ZNF532: variants seen among roughly 807,000 people sequenced by gnomAD.
The protein encoded by ZNF532 is zinc finger protein 532.
ZNF532 carries 22 observed loss-of-function variants against 89.3 expected under a neutral mutation model. The observed-to-expected ratio is 0.25, with a 90% CI of 0.18 to 0.35. ZNF532 has a LOEUF of 0.35. Among genes scored for constraint, ZNF532 ranks in the 10% least tolerant of loss-of-function variants. The pLI is 1.00. For missense variants in ZNF532, 1,132 were observed against 1,643.4 expected, an observed-to-expected ratio of 0.69 and a Z score of 5.38; for synonymous variants, 606 against 649.6, an observed-to-expected ratio of 0.93 and a Z score of 1.02.
intron 2 of ZNF532, among the ~76,000 whole-genome samples, chr18:58,891,815 G>A (rs1434243143): frequency 6.6e-6 from 1 of 152,204 alleles, no homozygotes; most frequent in East Asian, 1.9e-4. Flanking sequence ...CTAAGTGCCA[G>A]CCTATGCCAG....
At chr18:58,929,228 T>G (rs2061757642) in intron 3 of ZNF532, among the ~76,000 whole-genome samples, 1 of 152,224 alleles carries the variant, frequency 6.6e-6, no homozygotes, top group Non-Finnish European at 1.5e-5. Flanking sequence ...AAGGATGGAT[T>G]CTTGGGGTTA....
At chr18:58,977,797 G>A (rs1400769801) in intron 7 of ZNF532, 1 of 148,600 alleles carries the variant, frequency 6.7e-6, no homozygotes, top group Non-Finnish European at 1.5e-5. Context: ...TTGCAGAGCC[G>A]AGATGACACC....
chr18:58,919,157 A>G lies in ZNF532; in HGVS notation c.870A>G (p.Pro290=), dbSNP rs1471911668. Residue 290 remains proline (P), a synonymous_variant, in exon 3 of 10, where the codon CCA becomes CCG. Transcript: ENST00000591808. This position sits in a 1 kb window ranked among gnomAD's most constrained non-coding sequence, Gnocchi z 6.1. ...KKAASDSCKE[P]VANSRESSPL... Reference sequence around the variant, plus strand: ...CGGCTTCAGACTCCTGCAAAGAACCAGTGGCCAATTCGAGGGAATCCTCCC... The same window carrying G: ...CGGCTTCAGACTCCTGCAAAGAACCGGTGGCCAATTCGAGGGAATCCTCCC... 1.9e-6 allele frequency: 3 copies of G among 1,614,222 alleles called. No homozygotes were observed. The highest frequency in any genetic ancestry group is 2.5e-6 in the Non-Finnish European group (3 of 1,180,032).
chr18:58,919,970 G>A lies in ZNF532; in HGVS notation c.1683G>A (p.Ser561=), dbSNP rs1407154793. 5.0e-6 allele frequency: 8 copies of A among 1,613,510 alleles called. No homozygotes were observed. Among genetic ancestry groups the A allele is most frequent in the Middle Eastern group, 1.6e-4 (1 of 6,078 alleles). The stretch of plus-strand genomic sequence containing the variant: ...AGGCAATAATCAATGCAGCAGCCTC[G>A]CAACCCCCCAAAAAGGTGTCTCGAG... ...IKQAIINAAA[S]QPPKKVSRVQ... The change falls in exon 3 of 10, where the codon TCG becomes TCA. Residue 561 remains serine, a synonymous_variant. Coordinates refer to ENST00000591808, the MANE Select transcript of ZNF532 (RefSeq NM_001375912.1). The surrounding 1 kb of genome is among the most constrained non-coding windows in gnomAD (Gnocchi z 6.1).
At chr18:58,958,050 A>G (rs2064972915) in intron 7 of ZNF532, among the ~76,000 whole-genome samples, 1 of 144,242 alleles carries the variant, frequency 6.9e-6, no homozygotes, top group African/African-American at 2.6e-5. Context: ...TAGGCAACAG[A>G]GCAAGACAAT....
intron 7 of ZNF532, among the ~76,000 whole-genome samples, chr18:58,958,368 T>C (rs956838756): frequency 6.6e-6 from 1 of 152,204 alleles, no homozygotes. Context: ...TTTAAGAAGT[T>C]CTTGTTACAA....
At chr18:58,877,478 A>G (rs1446814372) in intron 2 of ZNF532, among the ~76,000 whole-genome samples, 5 of 152,380 alleles carry the variant, frequency 3.3e-5, no homozygotes, top group East Asian at 3.9e-4. Flanking sequence ...TAAATCAGCT[A>G]TAGCAATAAA....
chr18:58,946,217 G>A (rs754298222), intron 5 of ZNF532, among the ~76,000 whole-genome samples: 1 of 149,968 alleles, frequency 6.7e-6, no homozygotes, highest in Non-Finnish European at 1.5e-5. Flanking sequence ...GTTATCTTCT[G>A]TTTTAATTTG....
chr18:58,949,801 T>C (rs931350090), intron 6 of ZNF532, among the ~76,000 whole-genome samples: 7 of 152,234 alleles, frequency 4.6e-5, no homozygotes, highest in Non-Finnish European at 1.0e-4. Context: ...GTATTAAACA[T>C]GTGTGAGTTC....
At chr18:58,917,966 A>G (rs1012548636) in intron 2 of ZNF532, among the ~76,000 whole-genome samples, 4 of 152,236 alleles carry the variant, frequency 2.6e-5, no homozygotes, top group African/African-American at 9.6e-5. Context: ...TAGTTGCTAC[A>G]CCAGAACCTG....
At chr18:58,917,380 A>G (rs1568308953) in intron 2 of ZNF532, among the ~76,000 whole-genome samples, 1 of 152,212 alleles carries the variant, frequency 6.6e-6, no homozygotes, top group East Asian at 1.9e-4. Context: ...GGAGACAAGT[A>G]CACACAGACT....
At chr18:58,964,783 A>T (rs550623722) in intron 7 of ZNF532, among the ~76,000 whole-genome samples, 18 of 151,454 alleles carry the variant, frequency 1.2e-4, no homozygotes, top group African/African-American at 4.1e-4. Flanking sequence ...TTTTGTAGGG[A>T]GTTCGGGGTA....
At position 58,979,168 on chromosome 18, in the gene ZNF532, G is replaced by T. The variant is rs201716176; in HGVS notation, c.3263+1G>T. The stretch of plus-strand genomic sequence containing the variant: ...GCATCAGGAAAGTGTACGCCTGCTC[G>T]TAAGTCCTGGTTTCTAACGGAACGC... On this transcript the variant is annotated splice_donor_variant, in intron 8 of 9. Transcript: ENST00000591808. LOFTEE classifies it high-confidence loss of function. The T allele has an allele frequency of 8.7e-6, 14 of 1,607,500 alleles. No individual in the cohort carries two copies. The highest frequency in any genetic ancestry group is 4.5e-5 in the East Asian group (2 of 44,766).
At chr18:58,981,357 T>C in intron 8 of ZNF532, 113 bp from the exon 9 acceptor site, 2 of 1,389,634 alleles carry the variant, frequency 1.4e-6, no homozygotes, top group Non-Finnish European at 9.8e-7. Flanking sequence ...GAACTCAGCT[T>C]ATTGGACCTG....
rs1169589543 is a variant in ZNF532, at chr18:58,984,305, A to C, written c.3745A>C (p.Lys1249Gln). ...GAGEDNQQEN[K>Q]PSHEDESPDG... ...TGGGGAAGATAACCAACAGGAGAAC[A>C]AACCCAGCCACGAGGATGAATCCCC... Residue 1249 changes from lysine (K) to glutamine (Q), a missense_variant, in exon 10 of 10, where the codon AAA becomes CAA. By Grantham distance (53) the Lys-to-Gln change is moderately conservative. This residue lies in a region of ZNF532 where 415 missense variants were observed against 604.8 expected (regional missense o/e 0.69). Coordinates refer to ENST00000591808, the MANE Select transcript of ZNF532 (RefSeq NM_001375912.1). 1 of 1,612,010 alleles carries C rather than the reference A, an allele frequency of 6.2e-7. No individual in the cohort carries two copies. The highest frequency in any genetic ancestry group is 1.7e-5 in the Admixed American group (1 of 60,018).
chr18:58,940,958 A>ACACACACACTCTCTCTCT (rs1209329621), intron 5 of ZNF532, among the ~76,000 whole-genome samples: 1 of 131,706 alleles, frequency 7.6e-6, no homozygotes, highest in African/African-American at 2.8e-5. Flanking sequence ...ACACACACAC[A>ACACACACACTCTCTCTCT]CTCTTTCTCT....
Position 58,920,246 on chromosome 18 carries a change from C to T in ZNF532, c.1959C>T (p.Leu653=), listed in dbSNP as rs190522065. 31 of 1,613,958 alleles carry T rather than the reference C, an allele frequency of 1.9e-5. No homozygotes were observed. In the East Asian group the frequency reaches 4.2e-4, roughly 22 times the overall value. ...CGTGCAACCATTGTACAAAGAACCT[C>T]GTTTTTTACAACAAATGCAGCCTCC... ...EVTCNHCTKN[L]VFYNKCSLLS... Residue 653 remains leucine (L), a synonymous_variant, in exon 3 of 10, where the codon CTC becomes CTT. Transcript: ENST00000591808.
intron 7 of ZNF532, chr18:58,954,080 A>G: frequency 1.0e-6 from 1 of 978,736 alleles, no homozygotes; most frequent in East Asian, 1.1e-4. Context: ...TAGCTTAGGA[A>G]AGAGAAAAAT....
chr18:58,941,970 C>CTCT (rs1311588614), intron 5 of ZNF532, among the ~76,000 whole-genome samples: 40 of 131,516 alleles, frequency 3.0e-4, no homozygotes, highest in South Asian at 8.8e-4. Context: ...CTCTCTCCCT[C>CTCT]CCTCCCTCCT....
Sources: allele counts gnomAD v4.1 joint callset (sites outside exome capture counted in the v4.1 genomes callset), GRCh38; gene constraint gnomAD v4.1.1; regional missense constraint gnomAD v4.1.1; non-coding constraint Gnocchi (gnomAD v3.1); transcripts MANE v1.5; gene names NCBI Gene and HGNC (gene_info 2026-07-23, HGNC 2026-07-21).